The following CASR variants were observed in gnomAD, a reference collection of about 807,000 sequenced individuals.
CASR encodes the protein calcium sensing receptor.
In CASR, 23 loss-of-function variants were observed where a neutral mutation model predicts 69.1. The observed-to-expected ratio is 0.33, with a 90% CI of 0.24 to 0.47. The LOEUF is 0.47. Among genes scored for constraint, CASR ranks in the 20% least tolerant of loss-of-function variants. The pLI is 1.00. For synonymous variants in CASR, 541 were observed against 544.7 expected, an observed-to-expected ratio of 0.99 and a Z score of 0.10; for missense variants, 924 against 1,356.1, an observed-to-expected ratio of 0.68 and a Z score of 5.00.
Position 122,242,920 on chromosome 3 carries a change from G to T in CASR, c.-242-11028G>T, listed in dbSNP as rs542384078. ...ACAAAGGTGCCAAGAACATGCATTGGAGAAAAGACTGTCTCTTCAATAAAT... is the reference window on the plus strand; with the variant it reads ...ACAAAGGTGCCAAGAACATGCATTGTAGAAAAGACTGTCTCTTCAATAAAT... On this transcript the variant is annotated intron_variant, in intron 1 of 6. Coordinates refer to ENST00000639785, the MANE Select transcript of CASR (RefSeq NM_000388.4). Among the ~76,000 whole-genome samples the T allele has an allele frequency of 2.0e-5, 3 of 152,242 alleles. No individual in the cohort carries two copies. In the East Asian group the frequency reaches 5.8e-4, roughly 29 times the overall value.
Position 122,285,079 on chromosome 3 carries a change from C to A in CASR, c.3125C>A (p.Pro1042Gln). 1 of 1,614,206 alleles carries A rather than the reference C, an allele frequency of 6.2e-7. No homozygotes were observed. Among genetic ancestry groups the A allele is most frequent in the Non-Finnish European group, 8.5e-7 (1 of 1,180,034 alleles). Residue 1042 changes from proline (P) to glutamine (Q), a missense_variant, in exon 7 of 7, where the codon CCA becomes CAA. By Grantham distance (76) the Pro-to-Gln change is moderately conservative. Coordinates refer to ENST00000639785, the MANE Select transcript of CASR (RefSeq NM_000388.4). ...GGACCTGTGGGTGGAGACCAGCGGC[C>A]AGAGGTGGAGGACCCTGAAGAGTTG... ...LQGPVGGDQR[P>Q]EVEDPEELSP...
At position 122,202,887 on chromosome 3, in the gene CASR, C is replaced by T. The variant is rs1490381281; in HGVS notation, c.-243+19075C>T. On this transcript the variant is annotated intron_variant, in intron 1 of 6. Coordinates refer to ENST00000639785, the MANE Select transcript of CASR (RefSeq NM_000388.4). The stretch of plus-strand genomic sequence containing the variant: ...TTTTTTCCACATGGATAACCAGTTG[C>T]CTCAATACTGTTATAGAATAGTCTG... 2.0e-5 allele frequency among the ~76,000 whole-genome samples: 3 copies of T among 152,158 alleles called. No homozygotes were observed. In the East Asian group the frequency reaches 5.8e-4, roughly 29 times the overall value.
intron 4 of CASR, among the ~76,000 whole-genome samples, chr3:122,273,543 T>C (rs575207353): frequency 2.0e-5 from 3 of 152,298 alleles, no homozygotes; most frequent in South Asian, 2.1e-4. Context: ...GTGGACAGGA[T>C]AGTGGAAACT....
chr3:122,199,106 G>T (rs1370856362), intron 1 of CASR, among the ~76,000 whole-genome samples: 1 of 152,142 alleles, frequency 6.6e-6, no homozygotes, highest in Admixed American at 6.5e-5. Context: ...AGTAAATAAG[G>T]GAATTGCGTC....
chr3:122,211,884 G>A (rs913893336), intron 1 of CASR, among the ~76,000 whole-genome samples: 1 of 152,102 alleles, frequency 6.6e-6, no homozygotes, highest in Non-Finnish European at 1.5e-5. Flanking sequence ...CAGTCGGAAT[G>A]GTGATTATTA....
At chr3:122,203,371 A>ACAC (rs1164674205) in intron 1 of CASR, among the ~76,000 whole-genome samples, 1 of 152,200 alleles carries the variant, frequency 6.6e-6, no homozygotes, top group Non-Finnish European at 1.5e-5. Context: ...ATCACAGAGT[A>ACAC]CACCTACCCA....
At chr3:122,243,199 C>G (rs1418572939) in intron 1 of CASR, among the ~76,000 whole-genome samples, 1 of 152,142 alleles carries the variant, frequency 6.6e-6, no homozygotes, top group African/African-American at 2.4e-5. Context: ...TAAAAACCTT[C>G]TGCACAGCAA....
intron 1 of CASR, among the ~76,000 whole-genome samples, chr3:122,214,998 T>G (rs2074103040): frequency 6.6e-6 from 1 of 152,224 alleles, no homozygotes; most frequent in Admixed American, 6.5e-5. Flanking sequence ...TTTTCCAGAC[T>G]GCTAAGGAAG....
At chr3:122,186,668 G>A (rs962219082) in intron 1 of CASR, among the ~76,000 whole-genome samples, 9 of 152,180 alleles carry the variant, frequency 5.9e-5, no homozygotes, top group Admixed American at 5.9e-4. Context: ...CTGTCTGAAG[G>A]AAAGAAACGA....
chr3:122,239,716 C>T (rs2074362254), intron 1 of CASR, among the ~76,000 whole-genome samples: 2 of 152,144 alleles, frequency 1.3e-5, no homozygotes, highest in South Asian at 4.1e-4. Context: ...AACCTCAGCA[C>T]AGAAAGAAAG....
At chr3:122,282,418 G>GTT (rs2074903257) in intron 6 of CASR, among the ~76,000 whole-genome samples, 182 bp downstream of exon 6, 1 of 152,178 alleles carries the variant, frequency 6.6e-6, no homozygotes, top group African/African-American at 2.4e-5. Context: ...AATGTTAGAT[G>GTT]TTCTTTTAAT....
chr3:122,284,922 A>G lies in CASR; in HGVS notation c.2968A>G (p.Arg990Gly), dbSNP rs1042636. ...GCCTCAGAAGAACGCCATGGCCCAC[A>G]GGAATTCTACGCACCAGAACTCCCT... ...DEPQKNAMAHRNSTHQNSLEA... is the reference protein window; with the variant it reads ...DEPQKNAMAHGNSTHQNSLEA... Residue 990 changes from arginine to glycine, a missense_variant, in exon 7 of 7, where the codon AGG becomes GGG. Arg to Gly is a moderately radical substitution (Grantham distance 125, BLOSUM62 -2). Coordinates refer to ENST00000639785, the MANE Select transcript of CASR (RefSeq NM_000388.4). 0.1 allele frequency: 165,230 copies of G among 1,614,046 alleles called. 15,462 individuals carry two copies. The highest frequency in any genetic ancestry group is 0.54 in the East Asian group (24,166 of 44,870).
intron 1 of CASR, among the ~76,000 whole-genome samples, chr3:122,219,114 G>C (rs34395935): frequency 0.11 from 17,334 of 152,206 alleles, 1,140 homozygotes; most frequent in Non-Finnish European, 0.15. Flanking sequence ...GAAGATTTTG[G>C]ATTTTTTTAA....
chr3:122,280,573 T>C (rs2074876575), intron 5 of CASR, among the ~76,000 whole-genome samples: 1 of 152,160 alleles, frequency 6.6e-6, no homozygotes, highest in African/African-American at 2.4e-5. Context: ...ATGATGTGAG[T>C]TGTCCTTTTC....
intron 1 of CASR, among the ~76,000 whole-genome samples, chr3:122,200,250 G>T (rs1218898775): frequency 6.6e-6 from 1 of 152,166 alleles, no homozygotes; most frequent in Admixed American, 6.5e-5. Context: ...AAATGATAAA[G>T]TATTGAGGTG....
Position 122,288,475 on chromosome 3 carries a change from A to T in CASR, c.*3284A>T, listed in dbSNP as rs558827663. On this transcript the variant is annotated 3_prime_UTR_variant, in exon 7 of 7. Coordinates refer to ENST00000639785, the MANE Select transcript of CASR (RefSeq NM_000388.4). ...AGAAAACAAATACATTTGTATTGTT[A>T]TCTCCTTCCCTGAGTTTTGGCAGCC... The T allele has an allele frequency of 5.9e-5, 9 of 152,312 alleles. No individual in the cohort carries two copies. In the East Asian group the frequency reaches 1.7e-3, roughly 29 times the overall value. The allele number at this position is 152,312 out of a possible 1,614,324, so 9.4% of individuals were successfully genotyped here. A position where few individuals can be genotyped will look rare whatever the true frequency, so the allele number is the denominator to read the frequency against.
chr3:122,276,290 T>C (rs946204960), intron 5 of CASR, among the ~76,000 whole-genome samples: 1 of 152,210 alleles, frequency 6.6e-6, no homozygotes, highest in Non-Finnish European at 1.5e-5. Context: ...TTCACAAATA[T>C]GACTCCCTAG....
rs544946045 is a variant in CASR, at chr3:122,289,456, A to G, written c.*4265A>G. 6.6e-6 allele frequency: 1 copy of G among 152,394 alleles called. No individual in the cohort carries two copies. Among genetic ancestry groups the G allele is most frequent in the Admixed American group, 6.5e-5 (1 of 15,308 alleles). 9.4% of individuals were successfully genotyped at this position (152,394 alleles called of 1,614,324 possible). On this transcript the variant is annotated 3_prime_UTR_variant, in exon 7 of 7. Transcript: ENST00000639785. The stretch of plus-strand genomic sequence containing the variant: ...AAGGAGTGAGGCAGGGGTCAGGGAA[A>G]CAACAAGCACAGGGTAGAACCTGTC...
chr3:122,262,361 G>A lies in CASR; in HGVS notation c.1326G>A (p.Gly442=), dbSNP rs1266818477. 1.2e-6 allele frequency: 2 copies of A among 1,613,940 alleles called. No homozygotes were observed. Among genetic ancestry groups the A allele is most frequent in the Non-Finnish European group, 1.7e-6 (2 of 1,180,016 alleles). The change falls in exon 4 of 7, where the codon GGG becomes GGA. Residue 442 remains glycine (G), a synonymous_variant. Coordinates refer to ENST00000639785, the MANE Select transcript of CASR (RefSeq NM_000388.4). ...QDIYTCLPGR[G]LFTNGSCADI... ...TATATACCTGCTTACCTGGGAGAGG[G>A]CTCTTCACCAATGGCTCCTGTGCAG... is the stretch of plus-strand genomic sequence containing the variant.
Sources: gnomAD v4.1 joint callset for allele counts (sites outside exome capture counted in the v4.1 genomes callset) on GRCh38, gnomAD v4.1.1 for gene constraint, MANE v1.5 for transcripts, NCBI Gene and HGNC (gene_info 2026-07-23, HGNC 2026-07-21) for gene names.